NFIA: variants seen among roughly 807,000 people sequenced by gnomAD.
The protein encoded by NFIA is nuclear factor 1 A-type.
Under a neutral mutation model 62.8 loss-of-function variants are expected in NFIA, and 8 were observed. The observed-to-expected ratio is 0.13, with a 90% CI of 0.07 to 0.23. The LOEUF is 0.23. Ranked by LOEUF, NFIA falls within the 10% of genes least tolerant of loss-of-function variation. The pLI is 1.00. For synonymous variants in NFIA, 235 were observed against 238.1 expected (o/e 0.99, Z 0.12); for missense variants, 410 against 642.1 (o/e 0.64, Z 3.91).
intron 10 of NFIA, among the ~76,000 whole-genome samples, 176 bp from the exon 11 acceptor site, chr1:61,455,127 T>G (rs769430451): frequency 6.6e-6 from 1 of 152,240 alleles, no homozygotes; most frequent in Non-Finnish European, 1.5e-5. Flanking sequence ...TTCAGAAGAA[T>G]AAGATCAGTT....
intron 2 of NFIA, among the ~76,000 whole-genome samples, chr1:61,179,515 G>A (rs1385599365): frequency 6.6e-6 from 1 of 152,184 alleles, no homozygotes; most frequent in Non-Finnish European, 1.5e-5. Context: ...AAATGATAAA[G>A]CGACATGCCA....
At chr1:61,105,319 A>G (rs1343748557) in intron 2 of NFIA, among the ~76,000 whole-genome samples, 5 of 151,918 alleles carry the variant, frequency 3.3e-5, no homozygotes, top group Admixed American at 6.6e-5. Flanking sequence ...AAATATCTCT[A>G]TTTTTCATTT....
intron 7 of NFIA, among the ~76,000 whole-genome samples, chr1:61,385,046 A>T (rs976641388): frequency 3.9e-5 from 6 of 152,154 alleles, no homozygotes; most frequent in African/African-American, 1.4e-4. Flanking sequence ...AGCCTGGCCA[A>T]CATGGTGAAA....
intron 10 of NFIA, among the ~76,000 whole-genome samples, chr1:61,446,010 T>C (rs998724784): frequency 6.6e-6 from 1 of 152,076 alleles, no homozygotes; most frequent in African/African-American, 2.4e-5. Flanking sequence ...ATATCCCATC[T>C]ACCCTGTGAA....
chr1:61,195,759 A>G (rs543283477), intron 2 of NFIA, among the ~76,000 whole-genome samples: 14 of 152,310 alleles, frequency 9.2e-5, no homozygotes, highest in Admixed American at 7.8e-4. Flanking sequence ...TTTTAGAACC[A>G]CAAGAAATAT....
At chr1:61,273,712 C>T (rs1657645812) in intron 2 of NFIA, among the ~76,000 whole-genome samples, 1 of 152,152 alleles carries the variant, frequency 6.6e-6, no homozygotes, top group African/African-American at 2.4e-5. Context: ...CTGACATTCT[C>T]AGATGGTTTG....
At chr1:61,126,976 A>G (rs1312199866) in intron 2 of NFIA, among the ~76,000 whole-genome samples, 2 of 151,468 alleles carry the variant, frequency 1.3e-5, no homozygotes, top group Non-Finnish European at 2.9e-5. Context: ...TATTTTTAGT[A>G]GAGATGGGGT....
chr1:61,272,876 T>A (rs1182289988), intron 2 of NFIA, among the ~76,000 whole-genome samples: 1 of 152,230 alleles, frequency 6.6e-6, no homozygotes, highest in African/African-American at 2.4e-5. Context: ...TTTGGATGCC[T>A]TCTGGTTTCT....
chr1:61,414,464 A>G (rs2100537881), intron 9 of NFIA, among the ~76,000 whole-genome samples: 1 of 152,258 alleles, frequency 6.6e-6, no homozygotes, highest in Middle Eastern at 3.4e-3. Flanking sequence ...CCTTCAACCT[A>G]GAGCTCATAG....
At chr1:61,341,332 T>C (rs553275702) in intron 4 of NFIA, among the ~76,000 whole-genome samples, 2 of 152,264 alleles carry the variant, frequency 1.3e-5, no homozygotes, top group African/African-American at 4.8e-5. Context: ...ATTACAGGTG[T>C]GAGCCACTGC....
chr1:61,371,143 A>G, intron 6 of NFIA, among the ~76,000 whole-genome samples: 1 of 152,168 alleles, frequency 6.6e-6, no homozygotes, highest in Admixed American at 6.6e-5. Flanking sequence ...ATGGCTGTGC[A>G]ACACCCCTCA....
intron 3 of NFIA, among the ~76,000 whole-genome samples, chr1:61,307,965 C>G (rs576384534): frequency 6.6e-6 from 1 of 152,166 alleles, no homozygotes; most frequent in Non-Finnish European, 1.5e-5. Flanking sequence ...GACTAAGATA[C>G]AGCATTACAG....
In NFIA at chr1:61,462,688, C is replaced by G. The variant is rs1172168468; in HGVS notation, c.*7368C>G. ...GATTAGTTTAACTCTTGTATTCAAC[C>G]ATTAGTGCTACCACCTTCTCACATT... On this transcript the variant is annotated 3_prime_UTR_variant, in exon 11 of 11. Transcript: ENST00000403491. 6.6e-6 allele frequency: 1 copy of G among 152,202 alleles called. No homozygotes were observed. Among genetic ancestry groups the G allele is most frequent in the African/African-American group, 2.4e-5 (1 of 41,440 alleles). The allele number at this position is 152,202 out of a possible 1,614,324, so 9.4% of individuals were successfully genotyped here.
intron 2 of NFIA, among the ~76,000 whole-genome samples, chr1:61,125,413 GT>G (rs1646951380): frequency 6.6e-6 from 1 of 152,146 alleles, no homozygotes; most frequent in South Asian, 2.1e-4. Context: ...ACCTTAGACT[GT>G]TTTGAAAGGC....
intron 7 of NFIA, among the ~76,000 whole-genome samples, chr1:61,397,666 G>A (rs1360393249): frequency 2.0e-5 from 3 of 152,170 alleles, no homozygotes; most frequent in Non-Finnish European, 4.4e-5. Context: ...GGTATTATTA[G>A]CCCCATTATA....
At chr1:61,399,316 A>T (rs1165199745) in intron 7 of NFIA, among the ~76,000 whole-genome samples, 1 of 152,192 alleles carries the variant, frequency 6.6e-6, no homozygotes, top group Non-Finnish European at 1.5e-5. Flanking sequence ...ACACTGCCTT[A>T]AGAGCACACT....
chr1:61,276,374 T>C (rs1357474558), intron 2 of NFIA, among the ~76,000 whole-genome samples: 1 of 152,192 alleles, frequency 6.6e-6, no homozygotes, highest in Non-Finnish European at 1.5e-5. Flanking sequence ...AGAAGTAATA[T>C]TTTCTGTTTA....
At chr1:61,368,446 A>C (rs1663711485) in intron 6 of NFIA, among the ~76,000 whole-genome samples, 1 of 152,226 alleles carries the variant, frequency 6.6e-6, no homozygotes, top group African/African-American at 2.4e-5. Context: ...AAAAAGTACA[A>C]ATTAAGAATT....
intron 10 of NFIA, among the ~76,000 whole-genome samples, chr1:61,452,107 C>A (rs1668083096): frequency 6.6e-6 from 1 of 152,190 alleles, no homozygotes; most frequent in East Asian, 1.9e-4. Context: ...CTTTTACAAA[C>A]ATTATATTGT....
Sources: gnomAD v4.1 joint callset for allele counts (sites outside exome capture counted in the v4.1 genomes callset) on GRCh38, gnomAD v4.1.1 for gene constraint, MANE v1.5 for transcripts, NCBI Gene and HGNC (gene_info 2026-07-23, HGNC 2026-07-21) for gene names.